Variants in PLEKHA8 observed in about 807,000 individuals in gnomAD.
The protein encoded by PLEKHA8 is pleckstrin homology domain containing A8, also known as pleckstrin homology domain-containing family A member 8.
In PLEKHA8, 36 loss-of-function variants were observed where a neutral mutation model predicts 68.2. The ratio of observed to expected loss-of-function variants is 0.53; its 90% confidence interval spans 0.40 to 0.70. The LOEUF (loss-of-function observed/expected upper bound fraction) is 0.70. Among genes scored for constraint, PLEKHA8 ranks in the 30% least tolerant of loss-of-function variants. PLEKHA8 has a pLI of 0.00. For synonymous variants in PLEKHA8, 211 were observed against 216.1 expected (o/e 0.98, Z 0.20); for missense variants, 505 against 615.4 (o/e 0.82, Z 1.90).
At chr7:30,109,612 A>AAAAG (rs796856565) in intron 13 of PLEKHA8, among the ~76,000 whole-genome samples, 4 of 104,788 alleles carry the variant, frequency 3.8e-5, no homozygotes, top group African/African-American at 1.1e-4. Flanking sequence ...AAAAAAAAAA[A>AAAAG]AGAGAGAGAG....
Position 30,054,709 on chromosome 7 carries a change from T to C in PLEKHA8, c.797T>C (p.Val266Ala). The change falls in exon 8 of 14, where the codon GTC becomes GCC. Residue 266 changes from valine (V) to alanine (A), a missense_variant and splice_region_variant. Coordinates refer to ENST00000449726, the MANE Select transcript of PLEKHA8 (RefSeq NM_001197026.2). ...GTAATAGATATTTTCTACTTTGCAG[T>C]CCAAGGTGAAATAAGGAAGGAAGAT... ...SEENTDDNIT[V>A]QGEIRKEDGM... is the part of the protein sequence containing the mutation. 2 of 1,572,720 alleles carry C rather than the reference T, an allele frequency of 1.3e-6. 1 individual carries two copies.
intron 1 of PLEKHA8, among the ~76,000 whole-genome samples, chr7:30,037,920 A>C (rs1159735460): frequency 5.3e-5 from 8 of 151,892 alleles, no homozygotes; most frequent in African/African-American, 1.9e-4. Context: ...GCATTCATTA[A>C]TTTTTCCTGA....
intron 13 of PLEKHA8, among the ~76,000 whole-genome samples, chr7:30,096,454 A>G (rs1257382992): frequency 6.6e-6 from 1 of 152,162 alleles, no homozygotes; most frequent in African/African-American, 2.4e-5. Flanking sequence ...TAGATATACA[A>G]TCATGTCATC....
intron 13 of PLEKHA8, among the ~76,000 whole-genome samples, chr7:30,106,723 C>T (rs1452194568): frequency 6.6e-6 from 1 of 152,196 alleles, no homozygotes; most frequent in Non-Finnish European, 1.5e-5. Context: ...AAAAATTTCA[C>T]GAAGTTCCAA....
chr7:30,046,740 G>C (rs537119319), intron 3 of PLEKHA8, among the ~76,000 whole-genome samples: 1 of 152,302 alleles, frequency 6.6e-6, no homozygotes, highest in African/African-American at 2.4e-5. Context: ...AAATGGTGGA[G>C]TATCCAGTCT....
intron 13 of PLEKHA8, among the ~76,000 whole-genome samples, chr7:30,119,403 A>G (rs1378926444): frequency 6.6e-6 from 1 of 152,188 alleles, no homozygotes; most frequent in Non-Finnish European, 1.5e-5. Flanking sequence ...CTAAACCCAG[A>G]CAGAACCTGT....
intron 13 of PLEKHA8, among the ~76,000 whole-genome samples, chr7:30,095,747 A>C (rs936746663): frequency 6.6e-6 from 1 of 152,206 alleles, no homozygotes; most frequent in African/African-American, 2.4e-5. Context: ...ACATATGGCT[A>C]GCCAGTTTTC....
Position 30,078,573 on chromosome 7 carries a change from G to A in PLEKHA8, c.1363-17G>A. The A allele has an allele frequency of 6.2e-7, 1 of 1,612,824 alleles. No individual in the cohort carries two copies. ...AGACAGACTTGATGCAGATTCTCAT[G>A]GGTTATTCTTTTGCAGTTAGCTTTA... On this transcript the variant is annotated splice_polypyrimidine_tract_variant and intron_variant, in intron 13 of 13. Transcript: ENST00000449726.
intron 5 of PLEKHA8, 160 bp downstream of exon 5, chr7:30,049,542 A>C: frequency 1.2e-6 from 1 of 866,924 alleles, no homozygotes; most frequent in Non-Finnish European, 1.7e-6. Context: ...AGCACCCCAT[A>C]TCCAGTCAGT....
chr7:30,083,181 AG>A lies in PLEKHA8; in HGVS notation c.*4397del, dbSNP rs1483317376. 9.2e-6 allele frequency: 9 copies of A among 983,544 alleles called. No homozygotes were observed. Among genetic ancestry groups the A allele is most frequent in the Admixed American group, 6.2e-5 (1 of 16,254 alleles). 60.9% of individuals were successfully genotyped at this position (983,544 alleles called of 1,614,324 possible). ...TTCAGATACTCTTTGTGATCTTGTA[AG>A]GGCTCTACACAAACTTCATTATGTA... On this transcript the variant is annotated 3_prime_UTR_variant, in exon 14 of 14. Transcript: ENST00000449726.
intron 13 of PLEKHA8, among the ~76,000 whole-genome samples, chr7:30,121,129 G>A (rs1228341406): frequency 6.6e-6 from 1 of 151,742 alleles, no homozygotes; most frequent in African/African-American, 2.4e-5. Context: ...GCAGTGGCAG[G>A]GTTCCACGTG....
chr7:30,032,692 C>T (rs1314167309), intron 1 of PLEKHA8, among the ~76,000 whole-genome samples: 1 of 152,130 alleles, frequency 6.6e-6, no homozygotes, highest in Non-Finnish European at 1.5e-5. Context: ...CAGACTATTT[C>T]GGGGGTGGGA....
rs1795058176 is a variant in PLEKHA8, at chr7:30,083,784, G to A, written c.*4997G>A. On this transcript the variant is annotated 3_prime_UTR_variant, in exon 14 of 14. Coordinates refer to ENST00000449726, the MANE Select transcript of PLEKHA8 (RefSeq NM_001197026.2). ...AATAATATCCTGCTTGTTCTAAATA[G>A]TTCATATATTTAAAGTGTGGTCAGT... The A allele has an allele frequency of 2.0e-6, 2 of 985,074 alleles. No homozygotes were observed. Among genetic ancestry groups the A allele is most frequent in the African/African-American group, 3.5e-5 (2 of 57,206 alleles). 61.0% of individuals were successfully genotyped at this position (985,074 alleles called of 1,614,324 possible). A position where few individuals can be genotyped will look rare whatever the true frequency, so the allele number is the denominator to read the frequency against.
chr7:30,049,732 G>A (rs367966552), intron 5 of PLEKHA8, among the ~76,000 whole-genome samples: 16 of 152,212 alleles, frequency 1.1e-4, no homozygotes, highest in East Asian at 5.8e-4. Flanking sequence ...CTTAACCTAA[G>A]CGTTTCCAGT....
At chr7:30,050,382 G>T in intron 5 of PLEKHA8, 52 bp from the exon 6 acceptor site, 1 of 1,531,708 alleles carries the variant, frequency 6.5e-7, no homozygotes, top group Non-Finnish European at 8.8e-7. Flanking sequence ...TCATAAATAT[G>T]CTCTGTTCAA....
In PLEKHA8 at chr7:30,118,217, C is replaced by A. The variant is rs561142809; in HGVS notation, c.1363-11049C>A. 316 of 409,740 alleles carry A rather than the reference C, an allele frequency of 7.7e-4. 1 individual carries two copies. The highest frequency in any genetic ancestry group is 5.7e-3 in the African/African-American group (279 of 48,888). The allele number at this position is 409,740 out of a possible 1,614,324, so 25.4% of individuals were successfully genotyped here. A position where few individuals can be genotyped will look rare whatever the true frequency, so the allele number is the denominator to read the frequency against. ...CCTGAGTTAAGTGAGATCTAAAATG[C>A]CTGAGAAAACCCTGAAATGACTGAG... On this transcript the variant is annotated intron_variant, in intron 13 of 13. Transcript: ENST00000396257.
intron 1 of PLEKHA8, among the ~76,000 whole-genome samples, chr7:30,034,010 C>CTTTTGTTTTTTTTTTTTTTT (rs1790859175): frequency 2.9e-5 from 1 of 34,632 alleles, no homozygotes; most frequent in African/African-American, 1.3e-4. Flanking sequence ...TAAGAGGTTT[C>CTTTTGTTTTTTTTTTTTTTT]TTTTTTTTTT....
At chr7:30,054,078 A>G (rs1487354859) in intron 7 of PLEKHA8, among the ~76,000 whole-genome samples, 2 of 152,196 alleles carry the variant, frequency 1.3e-5, no homozygotes. Flanking sequence ...AGACGGTACT[A>G]TACTTGGGAG....
intron 1 of PLEKHA8, 64 bp from the exon 2 acceptor site, chr7:30,045,021 G>A (rs533221680): frequency 8.8e-7 from 1 of 1,137,122 alleles, no homozygotes; most frequent in East Asian, 2.4e-5. Context: ...CTCTATTTCT[G>A]TATCTTGGGA....
Sources: gnomAD v4.1 joint callset for allele counts (sites outside exome capture counted in the v4.1 genomes callset) on GRCh38, gnomAD v4.1.1 for gene constraint, MANE v1.5 for transcripts, NCBI Gene and HGNC (gene_info 2026-07-23, HGNC 2026-07-21) for gene names.